The following ZNF277 variants were observed in gnomAD, a reference collection of about 807,000 sequenced individuals.
ZNF277 encodes the protein nuclear receptor-interacting factor 4.
Under a neutral mutation model 60.7 loss-of-function variants are expected in ZNF277, and 55 were observed. That is an observed-to-expected ratio of 0.91 (90% CI 0.73 to 1.13). The LOEUF (loss-of-function observed/expected upper bound fraction) is 1.13, where lower values mean the gene tolerates loss of function less well. Ranked by LOEUF, ZNF277 falls within the 50% of genes most tolerant of loss-of-function variation. The pLI is 0.00. For missense variants in ZNF277, 510 were observed against 523.0 expected (o/e 0.98, Z 0.24); for synonymous variants, 178 against 179.3 (o/e 0.99, Z 0.06).
At chr7:112,294,047 C>G (rs1792270925) in intron 2 of ZNF277, among the ~76,000 whole-genome samples, 1 of 152,228 alleles carries the variant, frequency 6.6e-6, no homozygotes. Flanking sequence ...TCTAACATCT[C>G]TAATACAGGT....
At chr7:112,235,748 G>GT (rs1443535993) in intron 1 of ZNF277, among the ~76,000 whole-genome samples, 2 of 151,548 alleles carry the variant, frequency 1.3e-5, no homozygotes, top group African/African-American at 4.8e-5. Flanking sequence ...AGTACAAAAG[G>GT]TTTTTTTGTT....
intron 2 of ZNF277, among the ~76,000 whole-genome samples, chr7:112,292,838 A>G (rs1050370472): frequency 6.6e-6 from 1 of 152,122 alleles, no homozygotes; most frequent in Admixed American, 6.5e-5. Context: ...CTATTAATAT[A>G]ACTATTTTGT....
At chr7:112,209,931 G>C (rs900457212) in intron 1 of ZNF277, among the ~76,000 whole-genome samples, 2 of 152,022 alleles carry the variant, frequency 1.3e-5, no homozygotes, top group Non-Finnish European at 2.9e-5. Context: ...CTCACTTATA[G>C]GTGGAAATTG....
At chr7:112,220,243 T>C (rs1352004539) in intron 1 of ZNF277, among the ~76,000 whole-genome samples, 1 of 152,208 alleles carries the variant, frequency 6.6e-6, no homozygotes. Flanking sequence ...TTTTATAGTT[T>C]TCCCTGTACA....
At chr7:112,255,040 A>G (rs1791278227) in intron 1 of ZNF277, among the ~76,000 whole-genome samples, 1 of 152,170 alleles carries the variant, frequency 6.6e-6, no homozygotes, top group East Asian at 1.9e-4. Flanking sequence ...GTAGTAGGTA[A>G]TGACTTCAAC....
At chr7:112,209,610 A>AT (rs1237866301) in intron 1 of ZNF277, among the ~76,000 whole-genome samples, 1 of 152,152 alleles carries the variant, frequency 6.6e-6, no homozygotes, top group Non-Finnish European at 1.5e-5. Flanking sequence ...TTAATGGTTG[A>AT]TTTTTTATGT....
intron 1 of ZNF277, among the ~76,000 whole-genome samples, chr7:112,215,025 A>G (rs536898454): frequency 1.3e-5 from 2 of 152,292 alleles, no homozygotes; most frequent in South Asian, 4.1e-4. Context: ...AAAGCACTCT[A>G]TGAATCTTGA....
rs1388313840 is a variant in ZNF277 at position 112,324,892 on chromosome 7, T to TA, written c.558-2825_558-2824insA. On this transcript the variant is annotated intron_variant, in intron 5 of 11. Coordinates refer to ENST00000361822, the MANE Select transcript of ZNF277 (RefSeq NM_021994.3). Reference sequence around the variant, plus strand: ...TCTGAGTCTAAAGGCCAGAGAACCATGAACTTGAATACCTAGGGACAAGAG... The same window carrying TA: ...TCTGAGTCTAAAGGCCAGAGAACCATAGAACTTGAATACCTAGGGACAAGAG... 1.2e-4 allele frequency among the ~76,000 whole-genome samples: 18 copies of TA among 152,142 alleles called. 1 individual carries two copies. In the South Asian group the frequency reaches 3.5e-3, roughly 30 times the overall value.
At chr7:112,250,479 T>C (rs576706919) in intron 1 of ZNF277, among the ~76,000 whole-genome samples, 2 of 152,302 alleles carry the variant, frequency 1.3e-5, no homozygotes, top group East Asian at 3.9e-4. Flanking sequence ...CCTCCCTTTT[T>C]GAAACTCCCT....
chr7:112,322,626 T>C (rs1326404940), intron 5 of ZNF277, among the ~76,000 whole-genome samples: 1 of 152,110 alleles, frequency 6.6e-6, no homozygotes, highest in Non-Finnish European at 1.5e-5. Context: ...TAATTTCCTT[T>C]GATTCTTTAG....
chr7:112,324,337 A>G (rs1301497514), intron 5 of ZNF277, among the ~76,000 whole-genome samples: 1 of 152,234 alleles, frequency 6.6e-6, no homozygotes, highest in African/African-American at 2.4e-5. Context: ...TACTCAAAGT[A>G]CAGTTAGTTC....
chr7:112,275,735 C>T (rs114791200), intron 1 of ZNF277, among the ~76,000 whole-genome samples: 2,973 of 150,728 alleles, frequency 0.02, 92 homozygotes, highest in African/African-American at 0.069. Flanking sequence ...GCATTATTAA[C>T]GTAGACACCA....
At chr7:112,289,945 GGTTA>G (rs1349750417) in intron 2 of ZNF277, among the ~76,000 whole-genome samples, 1 of 151,832 alleles carries the variant, frequency 6.6e-6, no homozygotes, top group African/African-American at 2.4e-5. Flanking sequence ...ACATTGTGCA[GGTTA>G]GTTACACACG....
chr7:112,268,739 A>G (rs1044360214), intron 1 of ZNF277, among the ~76,000 whole-genome samples: 3 of 152,164 alleles, frequency 2.0e-5, no homozygotes, highest in African/African-American at 4.8e-5. Context: ...TTTAATGCAT[A>G]TAATTGTTCC....
chr7:112,261,026 C>A (rs375112286), intron 1 of ZNF277, among the ~76,000 whole-genome samples: 1 of 152,110 alleles, frequency 6.6e-6, no homozygotes, highest in Non-Finnish European at 1.5e-5. Flanking sequence ...GTTACCCAAC[C>A]CTTAATTAGT....
At chr7:112,283,435 C>T (rs1157687780) in intron 1 of ZNF277, among the ~76,000 whole-genome samples, 1 of 152,076 alleles carries the variant, frequency 6.6e-6, no homozygotes, top group African/African-American at 2.4e-5. Context: ...ACACAGGAGA[C>T]TCGCTTGAAC....
At chr7:112,313,480 C>T (rs1397077710) in intron 4 of ZNF277, among the ~76,000 whole-genome samples, 2 of 151,778 alleles carry the variant, frequency 1.3e-5, no homozygotes, top group African/African-American at 4.8e-5. Flanking sequence ...ATGGGGGTCT[C>T]CCTATGTTGC....
chr7:112,286,849 T>TTTTTTTG lies in ZNF277; in HGVS notation c.92-18_92-17insGTTTTTT, dbSNP rs1554490972. On this transcript the variant is annotated intron_variant, in intron 1 of 11. Coordinates refer to ENST00000361822, the MANE Select transcript of ZNF277 (RefSeq NM_021994.3). ...TCAGCTTTTCTTTCTTTCTTTTTTT[T>TTTTTTTG]TTTTTTTTTTTGGTCTATTCCAGAC... 6 of 1,356,328 alleles carry TTTTTTTG rather than the reference T, an allele frequency of 4.4e-6. No individual in the cohort carries two copies. The South Asian group carries it at 9.0e-5, about 20-fold the overall frequency. 84.0% of individuals were successfully genotyped at this position (1,356,328 alleles called of 1,614,324 possible).
rs866460175 is a variant in ZNF277, at chr7:112,296,915, T to A, written c.465+604T>A. Among the ~76,000 whole-genome samples the A allele has an allele frequency of 2.8e-4, 14 of 49,704 alleles. No homozygotes were observed. The South Asian group carries it at 2.9e-3, about 10-fold the overall frequency. 32.6% of individuals were successfully genotyped at this position (49,704 alleles called of 152,430 possible). On this transcript the variant is annotated intron_variant, in intron 4 of 11. Transcript: ENST00000361822. Reference sequence around the variant, plus strand: ...TTATTTATTTATTTATTTATTTATTTTTTTTTTTTTTTTTTTTTTTTTTTT... The same window carrying A: ...TTATTTATTTATTTATTTATTTATTATTTTTTTTTTTTTTTTTTTTTTTTT...
Sources: allele counts gnomAD v4.1 joint callset (sites outside exome capture counted in the v4.1 genomes callset), GRCh38; gene constraint gnomAD v4.1.1; transcripts MANE v1.5; gene names NCBI Gene and HGNC (gene_info 2026-07-23, HGNC 2026-07-21).